The following PKP4 variants were observed in gnomAD, a reference collection of about 807,000 sequenced individuals.
PKP4 encodes plakophilin-4.
A neutral mutation model predicts 145.1 loss-of-function variants in PKP4; 90 were observed. The observed-to-expected ratio is 0.62, with a 90% CI of 0.52 to 0.74. The LOEUF is 0.74. PKP4 is among the 30% of genes least tolerant of loss of function. The pLI, the probability that PKP4 is intolerant of heterozygous loss-of-function variation, is 0.00. For synonymous variants in PKP4, 563 were observed against 577.2 expected (o/e 0.98, Z 0.35); for missense variants, 1,340 against 1,482.7 (o/e 0.90, Z 1.58).
Position 158,676,974 on chromosome 2 carries a change from C to T in PKP4, c.3256+107C>T, listed in dbSNP as rs763683131. 10 of 1,283,418 alleles carry T rather than the reference C, an allele frequency of 7.8e-6. No individual in the cohort carries two copies. The East Asian group carries it at 2.3e-4, about 30-fold the overall frequency. 79.5% of individuals were successfully genotyped at this position (1,283,418 alleles called of 1,614,324 possible). On this transcript the variant is annotated intron_variant, in intron 20 of 21. Coordinates refer to ENST00000389759, the MANE Select transcript of PKP4 (RefSeq NM_003628.6). ...CTGTGCTTGTATTGAGACAGTCCCCCAGCAGCAAACCATGTTCCAGTCATT... is the reference window on the plus strand; with the variant it reads ...CTGTGCTTGTATTGAGACAGTCCCCTAGCAGCAAACCATGTTCCAGTCATT...
chr2:158,457,967 C>T (rs961529437), intron 1 of PKP4: 4 of 152,402 alleles, frequency 2.6e-5, no homozygotes, highest in African/African-American at 7.2e-5. Context: ...TCTGGTATCC[C>T]CGCCCGCTGC....
intron 4 of PKP4, among the ~76,000 whole-genome samples, chr2:158,618,713 A>G (rs2051893405): frequency 6.6e-6 from 1 of 151,974 alleles, no homozygotes; most frequent in Non-Finnish European, 1.5e-5. Flanking sequence ...TACAATTTTT[A>G]GGGTATGTTT....
chr2:158,662,686 C>G (rs893165179), intron 13 of PKP4: 1 of 421,734 alleles, frequency 2.4e-6, no homozygotes, highest in African/African-American at 2.0e-5. Flanking sequence ...AAATCCTCAG[C>G]AGGACTGAGA....
chr2:158,582,269 C>T (rs2048396237), intron 3 of PKP4, among the ~76,000 whole-genome samples: 1 of 152,080 alleles, frequency 6.6e-6, no homozygotes, highest in African/African-American at 2.4e-5. Flanking sequence ...TATATTTCAC[C>T]TCATTGAAAG....
At chr2:158,533,518 T>A in intron 2 of PKP4, 1 of 660,392 alleles carries the variant, frequency 1.5e-6, no homozygotes, top group South Asian at 1.5e-5. Context: ...ACATGCAGGA[T>A]ACTTGTGCGT....
intron 7 of PKP4, among the ~76,000 whole-genome samples, chr2:158,625,912 CATT>C (rs2052734315): frequency 1.3e-5 from 2 of 152,078 alleles, no homozygotes; most frequent in African/African-American, 4.8e-5. Context: ...TTGATTTTGG[CATT>C]TTAACGGTAA....
intron 3 of PKP4, among the ~76,000 whole-genome samples, chr2:158,602,513 A>G (rs28447011): frequency 6.6e-6 from 1 of 152,130 alleles, no homozygotes; most frequent in Non-Finnish European, 1.5e-5. Flanking sequence ...TTATTCACAA[A>G]TTTTTTAAAT....
At chr2:158,671,032 G>A (rs1220616796) in intron 17 of PKP4, among the ~76,000 whole-genome samples, 4 of 152,112 alleles carry the variant, frequency 2.6e-5, no homozygotes, top group African/African-American at 4.8e-5. Context: ...TCTCCATAGC[G>A]CTGATTTCCC....
intron 2 of PKP4, among the ~76,000 whole-genome samples, chr2:158,554,291 C>G (rs1301170402): frequency 2.6e-5 from 4 of 152,172 alleles, no homozygotes; most frequent in Non-Finnish European, 5.9e-5. Flanking sequence ...TCTACCTAGA[C>G]AGCCCATCCA....
At chr2:158,528,661 TACTA>T (rs1285978086) in intron 1 of PKP4, among the ~76,000 whole-genome samples, 1 of 86,086 alleles carries the variant, frequency 1.2e-5, no homozygotes, top group African/African-American at 4.4e-5. Flanking sequence ...AAAAGAAACT[TACTA>T]AATGAAAAAA....
At chr2:158,620,068 C>G (rs1459846851) in intron 4 of PKP4, among the ~76,000 whole-genome samples, 1 of 152,084 alleles carries the variant, frequency 6.6e-6, no homozygotes, top group Non-Finnish European at 1.5e-5. Context: ...GTATGTTAAA[C>G]TCAGAATGTG....
intron 1 of PKP4, among the ~76,000 whole-genome samples, chr2:158,532,270 C>G (rs771189600): frequency 1.3e-5 from 2 of 152,166 alleles, no homozygotes; most frequent in Non-Finnish European, 2.9e-5. Context: ...AGTGACACAT[C>G]TAAACAGATA....
intron 1 of PKP4, among the ~76,000 whole-genome samples, chr2:158,476,747 C>A (rs1692536913): frequency 6.6e-6 from 1 of 151,730 alleles, no homozygotes; most frequent in Non-Finnish European, 1.5e-5. Context: ...GAAATCCATG[C>A]ATTTGCAGAA....
intron 11 of PKP4, among the ~76,000 whole-genome samples, chr2:158,650,124 G>A (rs78518193): frequency 0.099 from 15,056 of 152,242 alleles, 835 homozygotes; most frequent in Middle Eastern, 0.17. Flanking sequence ...GGCCAGGGCC[G>A]CTGCCCCCAC....
At chr2:158,677,894 A>G (rs1049713916) in intron 20 of PKP4, among the ~76,000 whole-genome samples, 2 of 152,178 alleles carry the variant, frequency 1.3e-5, no homozygotes, top group African/African-American at 2.4e-5. Flanking sequence ...GCTTGCTTCA[A>G]TAAACTAATT....
At chr2:158,554,232 C>A (rs1012274243) in intron 2 of PKP4, among the ~76,000 whole-genome samples, 1 of 152,028 alleles carries the variant, frequency 6.6e-6, no homozygotes, top group African/African-American at 2.4e-5. Context: ...AGCTCATGGC[C>A]ACCTTCTCCA....
intron 13 of PKP4, 42 bp from the exon 14 acceptor site, chr2:158,662,855 T>C (rs1160378173): frequency 3.9e-6 from 6 of 1,529,370 alleles, no homozygotes; most frequent in Non-Finnish European, 5.3e-6. Context: ...TTTGCTCTAA[T>C]GTGCCGAGTT....
chr2:158,613,580 T>C (rs866790825), intron 4 of PKP4, among the ~76,000 whole-genome samples: 4 of 152,160 alleles, frequency 2.6e-5, no homozygotes, highest in South Asian at 4.1e-4. Flanking sequence ...ACAGCAATAG[T>C]GTTAAAATTC....
At chr2:158,595,385 T>G (rs2049637793) in intron 3 of PKP4, among the ~76,000 whole-genome samples, 2 of 152,186 alleles carry the variant, frequency 1.3e-5, no homozygotes. Context: ...AAATCTGACC[T>G]GCCCACAGGT....
Sources: gnomAD v4.1 joint callset for allele counts (sites outside exome capture counted in the v4.1 genomes callset) on GRCh38, gnomAD v4.1.1 for gene constraint, MANE v1.5 for transcripts, NCBI Gene and HGNC (gene_info 2026-07-23, HGNC 2026-07-21) for gene names.